The following C8orf89 variants were observed in gnomAD, a reference collection of about 807,000 sequenced individuals.
C8orf89 encodes the protein chromosome 8 open reading frame 89, also known as putative uncharacterized protein C8orf89.
C8orf89 carries 14 observed loss-of-function variants against 15.8 expected under a neutral mutation model. That is an observed-to-expected ratio of 0.89 (90% confidence interval 0.59 to 1.39). C8orf89 has a LOEUF of 1.39. Ranked by LOEUF, C8orf89 falls within the 40% of genes most tolerant of loss-of-function variation. The pLI, the probability that C8orf89 is intolerant of heterozygous loss-of-function variation, is 0.00. For synonymous variants in C8orf89, 55 were observed against 62.2 expected (o/e 0.88, Z 0.54); for missense variants, 181 against 184.5 (o/e 0.98, Z 0.11).
intron 3 of C8orf89, among the ~76,000 whole-genome samples, chr8:73,243,236 G>A (rs940955869): frequency 6.6e-5 from 10 of 152,014 alleles, no homozygotes; most frequent in Admixed American, 2.0e-4. Context: ...ATAAGAACAC[G>A]TATTTGATAG....
At chr8:73,277,250 T>C in the C8orf89 span, 2 of 463,416 alleles carry the variant, frequency 4.3e-6, no homozygotes, top group Non-Finnish European at 7.7e-6. Flanking sequence ...ATACTGAGAA[T>C]AGAGTATAAA....
At chr8:73,284,095 G>A in the C8orf89 span, among the ~76,000 whole-genome samples, 1 of 151,402 alleles carries the variant, frequency 6.6e-6, no homozygotes, top group East Asian at 1.9e-4. Flanking sequence ...GTTTGTAACA[G>A]GGAAAAATTG....
At chr8:73,250,791 T>A (rs1320198413) in intron 2 of C8orf89, among the ~76,000 whole-genome samples, 3 of 152,242 alleles carry the variant, frequency 2.0e-5, no homozygotes, top group East Asian at 3.9e-4. Context: ...CATTATAAAA[T>A]CCCAAATTTC....
chr8:73,267,366 TGATG>T, the C8orf89 span, among the ~76,000 whole-genome samples: 28 of 152,344 alleles, frequency 1.8e-4, no homozygotes, highest in African/African-American at 6.5e-4. Flanking sequence ...CCTCAGTTGA[TGATG>T]GATAACTGAA....
chr8:73,250,980 T>C (rs1316059947), intron 2 of C8orf89, among the ~76,000 whole-genome samples: 2 of 151,612 alleles, frequency 1.3e-5, no homozygotes, highest in East Asian at 3.9e-4. Context: ...AAAAAAAAAG[T>C]TTGTAAAGAC....
At chr8:73,257,696 C>T (rs549444189) in intron 1 of C8orf89, among the ~76,000 whole-genome samples, 28 of 151,934 alleles carry the variant, frequency 1.8e-4, no homozygotes, top group Admixed American at 2.6e-4. Context: ...CACAGAGAGA[C>T]GGTCAAATTA....
chr8:73,260,515 C>T (rs561617426), upstream of C8orf89, among the ~76,000 whole-genome samples: 10 of 152,002 alleles, frequency 6.6e-5, no homozygotes, highest in Non-Finnish European at 1.3e-4. Flanking sequence ...TGCACATGTA[C>T]CCTAGAACTT....
chr8:73,277,960 C>A, the C8orf89 span: 2 of 652,738 alleles, frequency 3.1e-6, no homozygotes, highest in Non-Finnish European at 5.9e-6. Flanking sequence ...TGGCCAGCAA[C>A]AATGCCAAGG....
upstream of C8orf89, among the ~76,000 whole-genome samples, chr8:73,260,377 G>A (rs998183545): frequency 6.6e-6 from 1 of 151,966 alleles, no homozygotes; most frequent in Non-Finnish European, 1.5e-5. Context: ...TCACACCCTG[G>A]GGCCTGTCGT....
chr8:73,259,286 C>A, intron 1 of C8orf89, 46 bp downstream of exon 1: 1 of 1,237,732 alleles, frequency 8.1e-7, no homozygotes, highest in South Asian at 1.7e-5. Context: ...AAATTCAAGG[C>A]ACTATTTCTA....
intron 2 of C8orf89, among the ~76,000 whole-genome samples, chr8:73,254,021 G>C (rs550551727): frequency 6.6e-6 from 1 of 152,116 alleles, no homozygotes; most frequent in African/African-American, 2.4e-5. Context: ...AGTTTTCAAA[G>C]GGAATGCTTC....
chr8:73,246,792 A>T (rs537220580), intron 3 of C8orf89, among the ~76,000 whole-genome samples: 1 of 152,234 alleles, frequency 6.6e-6, no homozygotes, highest in African/African-American at 2.4e-5. Context: ...GGAAAAGTTC[A>T]TGAACATTTA....
At chr8:73,276,314 T>A in the C8orf89 span, among the ~76,000 whole-genome samples, 1 of 151,752 alleles carries the variant, frequency 6.6e-6, no homozygotes, top group Non-Finnish European at 1.5e-5. Flanking sequence ...GTAGCTGGGA[T>A]CACAGGCGCA....
At chr8:73,257,516 T>G (rs1046122375) in intron 1 of C8orf89, among the ~76,000 whole-genome samples, 1 of 152,236 alleles carries the variant, frequency 6.6e-6, no homozygotes. Flanking sequence ...CCTGCTTTTA[T>G]GTAAATAAGA....
At position 73,259,361 on chromosome 8, in the gene C8orf89, GCTTT is replaced by G. The variant is rs1319790403; in HGVS notation, c.94_97del (p.Lys32GlnfsTer3). ...CTTAATCTTTTGTGTTTCTAAAACT[GCTTT>G]CTTCCAACTACTCTCAAAAATCAAA... On this transcript the variant is annotated frameshift_variant, in exon 1 of 4. Transcript: ENST00000624510. LOFTEE classifies it high-confidence loss of function. 1.3e-6 allele frequency: 2 copies of G among 1,517,396 alleles called. No individual in the cohort carries two copies. Among genetic ancestry groups the G allele is most frequent in the Non-Finnish European group, 1.8e-6 (2 of 1,131,264 alleles). 94.0% of individuals were successfully genotyped at this position (1,517,396 alleles called of 1,614,324 possible).
At chr8:73,249,544 T>A (rs551408678) in intron 3 of C8orf89, among the ~76,000 whole-genome samples, 1 of 152,266 alleles carries the variant, frequency 6.6e-6, no homozygotes, top group South Asian at 2.1e-4. Context: ...ATCTGTCTAG[T>A]CCTGGGCTTT....
intron 2 of C8orf89, among the ~76,000 whole-genome samples, chr8:73,251,785 ATCACGTGTATC>A (rs1167015147): frequency 6.6e-6 from 1 of 152,198 alleles, no homozygotes; most frequent in African/African-American, 2.4e-5. Context: ...CTTTGAGATG[ATCACGTGTATC>A]GAAGGAAGGG....
the C8orf89 span, among the ~76,000 whole-genome samples, chr8:73,280,744 C>T: frequency 1.0e-4 from 15 of 149,658 alleles, no homozygotes; most frequent in African/African-American, 2.7e-4. Context: ...TATATATATA[C>T]ACACACACAC....
intron 2 of C8orf89, among the ~76,000 whole-genome samples, chr8:73,253,000 G>A (rs1380399738): frequency 6.6e-6 from 1 of 152,116 alleles, no homozygotes; most frequent in African/African-American, 2.4e-5. Flanking sequence ...AAAGTTAGCC[G>A]GGCGTGGTGG....
Sources: gnomAD v4.1 joint callset for allele counts (sites outside exome capture counted in the v4.1 genomes callset) on GRCh38, gnomAD v4.1.1 for gene constraint, MANE v1.5 for transcripts, NCBI Gene and HGNC (gene_info 2026-07-23, HGNC 2026-07-21) for gene names.